The following CACNA1C variants were observed in gnomAD, a reference collection of about 807,000 sequenced individuals.
The protein encoded by CACNA1C is voltage-dependent L-type calcium channel subunit alpha-1C.
In CACNA1C, 30 loss-of-function variants were observed where a neutral mutation model predicts 229.0. The observed-to-expected ratio is 0.13, with a 90% CI of 0.10 to 0.18. The LOEUF (loss-of-function observed/expected upper bound fraction) is 0.18. Among genes scored for constraint, CACNA1C ranks in the 10% least tolerant of loss-of-function variants. CACNA1C has a pLI of 1.00. For synonymous variants in CACNA1C, 1,114 were observed against 1,132.5 expected (o/e 0.98, Z 0.33); for missense variants, 1,658 against 2,845.0 (o/e 0.58, Z 9.49).
At chr12:2,076,136 C>T (rs1382787023) in intron 1 of CACNA1C, among the ~76,000 whole-genome samples, 2 of 152,158 alleles carry the variant, frequency 1.3e-5, no homozygotes, top group East Asian at 3.8e-4. Flanking sequence ...CCTGGATCTG[C>T]CTTTCCTGAC....
chr12:2,480,505 G>C (rs1197596956), intron 5 of CACNA1C, among the ~76,000 whole-genome samples: 1 of 152,214 alleles, frequency 6.6e-6, no homozygotes, highest in African/African-American at 2.4e-5. Context: ...AAGGCCTGCA[G>C]GGCTTGTAGT....
intron 9 of CACNA1C, among the ~76,000 whole-genome samples, chr12:2,523,109 C>T (rs112249400): frequency 1.3e-4 from 11 of 85,300 alleles, no homozygotes; most frequent in African/African-American, 2.4e-4. Flanking sequence ...AGCAGGTGGA[C>T]GGAGAAAGGA....
intron 3 of CACNA1C, among the ~76,000 whole-genome samples, chr12:2,198,412 TC>T (rs1044514430): frequency 6.6e-6 from 1 of 152,084 alleles, no homozygotes; most frequent in African/African-American, 2.4e-5. Flanking sequence ...TTAAATGTGT[TC>T]CTCCGGCATG....
At chr12:2,227,000 G>A (rs2063204538) in intron 3 of CACNA1C, among the ~76,000 whole-genome samples, 1 of 152,212 alleles carries the variant, frequency 6.6e-6, no homozygotes, top group Non-Finnish European at 1.5e-5. Flanking sequence ...AGATATTGCT[G>A]CCGTTACTGC....
chr12:2,556,421 G>A (rs961081553), intron 10 of CACNA1C, among the ~76,000 whole-genome samples: 2 of 152,244 alleles, frequency 1.3e-5, no homozygotes, highest in African/African-American at 4.8e-5. Flanking sequence ...GGAGTCTGGG[G>A]CTGGCGCCTT....
intron 3 of CACNA1C, among the ~76,000 whole-genome samples, chr12:2,189,097 A>T (rs79718872): frequency 1.3e-5 from 2 of 149,850 alleles, no homozygotes; most frequent in Non-Finnish European, 3.0e-5. Context: ...CGTCTCAAAA[A>T]AAAAAAAAAA....
At chr12:2,014,851 A>G (rs2045073593) in intron 1 of CACNA1C, among the ~76,000 whole-genome samples, 1 of 152,174 alleles carries the variant, frequency 6.6e-6, no homozygotes, top group Non-Finnish European at 1.5e-5. Context: ...GTGTCATGCT[A>G]AAGCCACCTT....
intron 3 of CACNA1C, among the ~76,000 whole-genome samples, chr12:2,151,871 A>G (rs1365213503): frequency 6.6e-6 from 1 of 152,216 alleles, no homozygotes; most frequent in Non-Finnish European, 1.5e-5. Context: ...GGCCATTTCA[A>G]TAGCTTAATG....
At chr12:2,211,027 A>G (rs897412467) in intron 3 of CACNA1C, among the ~76,000 whole-genome samples, 5 of 152,232 alleles carry the variant, frequency 3.3e-5, no homozygotes, top group South Asian at 2.1e-4. Context: ...AGGAACATAA[A>G]GCATTCAAAA....
chr12:2,233,089 G>A (rs1021740728), intron 3 of CACNA1C, among the ~76,000 whole-genome samples: 2 of 152,168 alleles, frequency 1.3e-5, no homozygotes, highest in African/African-American at 4.8e-5. Flanking sequence ...TGGGCACTAG[G>A]TGTGCTCATT....
intron 31 of CACNA1C, among the ~76,000 whole-genome samples, chr12:2,648,738 T>C (rs1469618374): frequency 6.6e-6 from 1 of 152,180 alleles, no homozygotes; most frequent in Non-Finnish European, 1.5e-5. Flanking sequence ...GGGTGGTAAT[T>C]CACTGTGATC....
At chr12:2,367,086 A>T (rs982854610) in intron 3 of CACNA1C, among the ~76,000 whole-genome samples, 1 of 152,192 alleles carries the variant, frequency 6.6e-6, no homozygotes. Flanking sequence ...GCCAAACCAT[A>T]TCACACCAGT....
chr12:2,412,654 A>C (rs138853625), intron 3 of CACNA1C, among the ~76,000 whole-genome samples: 2 of 152,346 alleles, frequency 1.3e-5, no homozygotes, highest in Non-Finnish European at 2.9e-5. Flanking sequence ...AAATCATCTC[A>C]CTTTTTTTTG....
intron 9 of CACNA1C, among the ~76,000 whole-genome samples, chr12:2,539,175 A>G (rs1335054161): frequency 6.6e-6 from 1 of 152,220 alleles, no homozygotes; most frequent in African/African-American, 2.4e-5. Context: ...GTCCCCATGG[A>G]AACAGTAGGT....
chr12:2,624,665 A>G (rs575028503), intron 29 of CACNA1C, among the ~76,000 whole-genome samples: 1 of 152,252 alleles, frequency 6.6e-6, no homozygotes, highest in East Asian at 1.9e-4. Context: ...CACCCACTGT[A>G]TACTCCATGT....
chr12:2,668,548 A>C (rs2096364981), intron 37 of CACNA1C: 1 of 218,574 alleles, frequency 4.6e-6, no homozygotes, highest in Non-Finnish European at 9.2e-6. Flanking sequence ...AGCAGGCTGT[A>C]CAGGAAGCAT....
rs938221957 is a variant in CACNA1C at position 2,647,489 on chromosome 12, GAAAACAAT to G, written c.3913-985_3913-978del. On this transcript the variant is annotated intron_variant, in intron 30 of 46. Coordinates refer to ENST00000399655, the MANE Select transcript of CACNA1C (RefSeq NM_000719.7). This position sits in a 1 kb window ranked among gnomAD's most constrained non-coding sequence, Gnocchi z 4.2. ...ATTGTGTGCAGGGCTTTCAAGTTTA[GAAAACAAT>G]TCAACAGTCATTATTTCATGCCAAC... Among the ~76,000 whole-genome samples the G allele has an allele frequency of 1.3e-5, 2 of 152,232 alleles. No individual in the cohort carries two copies. Among genetic ancestry groups the G allele is most frequent in the African/African-American group, 4.8e-5 (2 of 41,466 alleles).
chr12:2,486,420 G>A lies in CACNA1C; in HGVS notation c.916+158G>A, dbSNP rs1293433955. On this transcript the variant is annotated intron_variant, in intron 6 of 46. Coordinates refer to ENST00000399655, the MANE Select transcript of CACNA1C (RefSeq NM_000719.7). The surrounding 1 kb of genome is among the most constrained non-coding windows in gnomAD (Gnocchi z 4.9). ...ATGGTTAAGTGAGAGGCAGAGACCC[G>A]TATCCTTTTTTTCTCAGTTCCAATT... Among the ~76,000 whole-genome samples the A allele has an allele frequency of 1.3e-5, 2 of 152,146 alleles. No individual in the cohort carries two copies. The highest frequency in any genetic ancestry group is 6.5e-5 in the Admixed American group (1 of 15,290).
At chr12:2,333,134 C>T (rs113652556) in intron 3 of CACNA1C, among the ~76,000 whole-genome samples, 2 of 152,302 alleles carry the variant, frequency 1.3e-5, no homozygotes, top group East Asian at 1.9e-4. Context: ...ATGGTGACAA[C>T]GTGGAGTGTG....
Sources: allele counts gnomAD v4.1 joint callset (sites outside exome capture counted in the v4.1 genomes callset), GRCh38; gene constraint gnomAD v4.1.1; non-coding constraint Gnocchi (gnomAD v3.1); transcripts MANE v1.5; gene names NCBI Gene and HGNC (gene_info 2026-07-23, HGNC 2026-07-21).